The following ANAPC7 variants were observed in gnomAD, a reference collection of about 807,000 sequenced individuals.
ANAPC7 encodes the protein anaphase-promoting complex subunit 7.
In ANAPC7, 25 loss-of-function variants were observed where a neutral mutation model predicts 63.3. The ratio of observed to expected loss-of-function variants is 0.39; its 90% CI spans 0.29 to 0.55. The LOEUF (loss-of-function observed/expected upper bound fraction) is 0.55, where lower values mean the gene tolerates loss of function less well. Ranked by LOEUF, ANAPC7 falls within the 20% of genes least tolerant of loss-of-function variation. ANAPC7 has a pLI of 0.57. For synonymous variants in ANAPC7, 241 were observed against 251.7 expected (o/e 0.96, Z 0.40); for missense variants, 516 against 691.7 (o/e 0.75, Z 2.85).
In ANAPC7 at chr12:110,388,618, G is replaced by A; in HGVS notation, c.414C>T (p.Asn138=). The A allele has an allele frequency of 6.2e-7, 1 of 1,612,732 alleles. No individual in the cohort carries two copies. ...IPSRQRTPKI[N]MMLANLYKKA... is the part of the protein sequence containing the mutation. ...TCTTGTACAGGTTTGCCAGCATCAT[G>A]TTTATCTGTACAAACACAAATAACA... The change falls in exon 4 of 11, where the codon AAC becomes AAT. Residue 138 remains asparagine (N), a synonymous_variant. Transcript: ENST00000455511.
At chr12:110,402,405 C>T (rs2062244285) in intron 1 of ANAPC7, among the ~76,000 whole-genome samples, 1 of 151,810 alleles carries the variant, frequency 6.6e-6, no homozygotes, top group African/African-American at 2.4e-5. Flanking sequence ...CTTCGGCTCA[C>T]TGCAAGCTCC....
chr12:110,382,499 T>TATAGAGAGAGAGAG (rs1555289595), intron 7 of ANAPC7, among the ~76,000 whole-genome samples: 2 of 136,516 alleles, frequency 1.5e-5, no homozygotes, highest in Non-Finnish European at 1.6e-5. Context: ...TATATATTTA[T>TATAGAGAGAGAGAG]AGAGACAGGG....
intron 10 of ANAPC7, 95 bp from the exon 11 acceptor site, chr12:110,374,428 A>G: frequency 7.9e-7 from 1 of 1,259,424 alleles, no homozygotes; most frequent in Non-Finnish European, 1.1e-6. Flanking sequence ...AAATGACCAC[A>G]CAGTCCCAAA....
chr12:110,395,844 C>T (rs1883528623), intron 2 of ANAPC7, among the ~76,000 whole-genome samples: 1 of 152,124 alleles, frequency 6.6e-6, no homozygotes. Context: ...AGCTTCTGGC[C>T]TCATCTTCTA....
chr12:110,388,915 C>A (rs1010265872), intron 3 of ANAPC7, among the ~76,000 whole-genome samples: 1 of 151,820 alleles, frequency 6.6e-6, no homozygotes, highest in African/African-American at 2.4e-5. Flanking sequence ...CCCGTCTCTA[C>A]TAAAAAATAC....
rs765990501 is a variant in ANAPC7 at position 110,388,606 on chromosome 12, T to G, written c.426A>C (p.Ala142=). The part of the protein sequence containing the change: ...QRTPKINMML[A]NLYKKAGQER... ...CCTGACCAGCCTTCTTGTACAGGTT[T>G]GCCAGCATCATGTTTATCTGTACAA... The change falls in exon 4 of 11, where the codon GCA becomes GCC. Residue 142 remains alanine, a synonymous_variant. Coordinates refer to ENST00000455511, the MANE Select transcript of ANAPC7 (RefSeq NM_016238.3). 4 of 1,613,930 alleles carry G rather than the reference T, an allele frequency of 2.5e-6. No homozygotes were observed. In the African/African-American group the frequency reaches 5.3e-5, roughly 22 times the overall value.
chr12:110,388,729 G>T, intron 3 of ANAPC7, 106 bp from the exon 4 acceptor site: 1 of 814,584 alleles, frequency 1.2e-6, no homozygotes, highest in Non-Finnish European at 2.0e-6. Flanking sequence ...ACTTTTTACT[G>T]GAAAATCTAC....
At chr12:110,397,881 G>C (rs986993688) in intron 1 of ANAPC7, among the ~76,000 whole-genome samples, 16 of 151,734 alleles carry the variant, frequency 1.1e-4, no homozygotes, top group Non-Finnish European at 2.1e-4. Flanking sequence ...GGCGACAAGA[G>C]TGAAACTCTG....
At chr12:110,377,136 C>CAAAAAA (rs35149960) in intron 9 of ANAPC7, among the ~76,000 whole-genome samples, 1 of 46,436 alleles carries the variant, frequency 2.2e-5, no homozygotes, top group Non-Finnish European at 4.3e-5. Context: ...GATGCCGTCT[C>CAAAAAA]AAAAAAAAAA....
At chr12:110,375,740 A>G in intron 10 of ANAPC7, 11 of 990,032 alleles carry the variant, frequency 1.1e-5, no homozygotes, top group Non-Finnish European at 1.3e-5. Context: ...TTTGAAAAAG[A>G]AGAATATAAA....
At chr12:110,394,719 A>G in intron 3 of ANAPC7, among the ~76,000 whole-genome samples, 1 of 148,488 alleles carries the variant, frequency 6.7e-6, no homozygotes, top group Non-Finnish European at 1.5e-5. Context: ...GGCAGCATGC[A>G]ACTGTAATCC....
At chr12:110,398,153 G>A (rs1332422987) in intron 1 of ANAPC7, among the ~76,000 whole-genome samples, 1 of 151,984 alleles carries the variant, frequency 6.6e-6, no homozygotes, top group Non-Finnish European at 1.5e-5. Flanking sequence ...GGCTGAGGCA[G>A]GAGAATGACT....
chr12:110,374,939 G>A (rs181284233), intron 10 of ANAPC7, among the ~76,000 whole-genome samples: 6 of 151,460 alleles, frequency 4.0e-5, no homozygotes, highest in Admixed American at 4.0e-4. Flanking sequence ...AAAGTTCAGA[G>A]CCTCTAGAAC....
chr12:110,382,468 A>ATATATATG (rs1882014219), intron 7 of ANAPC7, among the ~76,000 whole-genome samples: 1 of 116,590 alleles, frequency 8.6e-6, no homozygotes, highest in African/African-American at 3.7e-5. Flanking sequence ...AAAAATATAT[A>ATATATATG]TATATATATA....
intron 1 of ANAPC7, among the ~76,000 whole-genome samples, chr12:110,401,139 C>A (rs777275120): frequency 1.3e-5 from 2 of 152,182 alleles, no homozygotes; most frequent in Admixed American, 6.5e-5. Flanking sequence ...AGGACTTTTC[C>A]CTTCTGACCT....
In ANAPC7 at chr12:110,403,636, G is replaced by A; in HGVS notation, c.-9C>T. ...TGGTCTATCACATTCATCCTGCTCT[G>A]CAAAGCCGCGGGCAGCGGCGGCAGC... On this transcript the variant is annotated 5_prime_UTR_variant, in exon 1 of 11. Coordinates refer to ENST00000455511, the MANE Select transcript of ANAPC7 (RefSeq NM_016238.3). 1.3e-6 allele frequency: 2 copies of A among 1,591,824 alleles called. No individual in the cohort carries two copies. The highest frequency in any genetic ancestry group is 2.3e-5 in the South Asian group (2 of 88,154).
rs189603285 is a variant in ANAPC7 at position 110,381,104 on chromosome 12, A to T, written c.1132+648T>A. On this transcript the variant is annotated intron_variant, in intron 8 of 10. Transcript: ENST00000455511. ...CAACTATACCCTCACCAAAAACCAG[A>T]AAAAAAATCAGAAAAAATGGATTAT... 2.0e-3 allele frequency among the ~76,000 whole-genome samples: 307 copies of T among 151,772 alleles called. 2 individuals carry two copies. The highest frequency in any genetic ancestry group is 9.7e-3 in the Admixed American group (148 of 15,240).
At position 110,380,718 on chromosome 12, in the gene ANAPC7, G is replaced by A. The variant is rs112400225; in HGVS notation, c.1132+1034C>T. ...GCCTGTAATCCTAGCACTTTGGGAG[G>A]CCGAGGCGGGCGGATCACGAGGTCA... On this transcript the variant is annotated intron_variant, in intron 8 of 10. Transcript: ENST00000455511. Among the ~76,000 whole-genome samples, 383 of 151,196 alleles carry A rather than the reference G, an allele frequency of 2.5e-3. 1 individual carries two copies. The highest frequency in any genetic ancestry group is 8.4e-3 in the African/African-American group (344 of 41,178).
chr12:110,401,781 C>G (rs1367353790), intron 1 of ANAPC7, among the ~76,000 whole-genome samples: 1 of 151,376 alleles, frequency 6.6e-6, no homozygotes, highest in Middle Eastern at 3.2e-3. Flanking sequence ...GTCAGGAGAT[C>G]GAGACCATCG....
Sources: allele counts gnomAD v4.1 joint callset (sites outside exome capture counted in the v4.1 genomes callset), GRCh38; gene constraint gnomAD v4.1.1; transcripts MANE v1.5; gene names NCBI Gene and HGNC (gene_info 2026-07-23, HGNC 2026-07-21).